Variants in TAF4B observed in about 807,000 individuals in gnomAD.
The protein encoded by TAF4B is transcription initiation factor TFIID subunit 4B.
A neutral mutation model predicts 86.4 loss-of-function variants in TAF4B; 38 were observed. The observed-to-expected ratio is 0.44, with a 90% CI of 0.34 to 0.58. The LOEUF is 0.58. Among genes scored for constraint, TAF4B ranks in the 20% least tolerant of loss-of-function variants. The pLI, the probability that TAF4B is intolerant of heterozygous loss-of-function variation, is 0.02. For missense variants in TAF4B, 988 were observed against 1,027.6 expected, an observed-to-expected ratio of 0.96 and a Z score of 0.53; for synonymous variants, 388 against 391.2, an observed-to-expected ratio of 0.99 and a Z score of 0.10.
chr18:26,310,185 A>C (rs2056839105), intron 9 of TAF4B, among the ~76,000 whole-genome samples: 1 of 152,106 alleles, frequency 6.6e-6, no homozygotes, highest in Non-Finnish European at 1.5e-5. Context: ...CAGTACTCTT[A>C]ATTTTTATAA....
At chr18:26,279,100 G>T (rs181513080) in intron 5 of TAF4B, among the ~76,000 whole-genome samples, 9 of 152,166 alleles carry the variant, frequency 5.9e-5, no homozygotes, top group African/African-American at 1.7e-4. Flanking sequence ...CTTCACTGAT[G>T]ATATGATTCT....
chr18:26,234,353 A>G (rs558233718), intron 1 of TAF4B, among the ~76,000 whole-genome samples: 1 of 152,214 alleles, frequency 6.6e-6, no homozygotes, highest in Non-Finnish European at 1.5e-5. Context: ...CAATAACTTC[A>G]TGATTTCCTT....
intron 9 of TAF4B, among the ~76,000 whole-genome samples, chr18:26,299,467 G>A (rs2056705095): frequency 6.6e-6 from 1 of 151,932 alleles, no homozygotes; most frequent in South Asian, 2.1e-4. Flanking sequence ...ATTCATGAGC[G>A]ATTTGGTCTA....
chr18:26,270,965 T>A (rs904836667), intron 3 of TAF4B, among the ~76,000 whole-genome samples: 10 of 152,360 alleles, frequency 6.6e-5, no homozygotes, highest in African/African-American at 2.4e-4. Flanking sequence ...TATTTTTGTG[T>A]GGACCATTTA....
chr18:26,227,339 C>A, intron 1 of TAF4B, 63 bp downstream of exon 1: 1 of 1,501,230 alleles, frequency 6.7e-7, no homozygotes, highest in Non-Finnish European at 9.1e-7. Flanking sequence ...GGAAAATTCG[C>A]AGCTCCAGAT....
At chr18:26,268,579 AT>A (rs2056272532) in intron 3 of TAF4B, among the ~76,000 whole-genome samples, 1 of 152,054 alleles carries the variant, frequency 6.6e-6, no homozygotes, top group Non-Finnish European at 1.5e-5. Context: ...TTGTCTATTT[AT>A]CATCACAATT....
chr18:26,243,884 G>T (rs2055881077), intron 1 of TAF4B, among the ~76,000 whole-genome samples: 1 of 152,222 alleles, frequency 6.6e-6, no homozygotes. Flanking sequence ...CACCAGTGGA[G>T]GCTGCAGTAC....
At chr18:26,295,668 G>A (rs1462121006) in intron 9 of TAF4B, among the ~76,000 whole-genome samples, 1 of 152,234 alleles carries the variant, frequency 6.6e-6, no homozygotes, top group Non-Finnish European at 1.5e-5. Flanking sequence ...CCTGTCCTAA[G>A]TTGTTGTATG....
intron 14 of TAF4B, among the ~76,000 whole-genome samples, chr18:26,374,840 A>G (rs531178388): frequency 6.6e-6 from 1 of 152,220 alleles, no homozygotes; most frequent in Non-Finnish European, 1.5e-5. Flanking sequence ...GGAATATTGA[A>G]GGAAAAGTAA....
chr18:26,275,184 C>T lies in TAF4B; in HGVS notation c.882+131C>T, dbSNP rs1005522764. The stretch of plus-strand genomic sequence containing the variant: ...TTTAATTTATGTTTTGAGACAGAGT[C>T]TCGCTCTGTTGCCCAAGCTGGAGTG... On this transcript the variant is annotated intron_variant, in intron 5 of 14. Transcript: ENST00000269142. The T allele has an allele frequency of 9.3e-6, 10 of 1,074,728 alleles. No homozygotes were observed. In the African/African-American group the frequency reaches 1.6e-4, roughly 18 times the overall value. 66.6% of individuals were successfully genotyped at this position (1,074,728 alleles called of 1,614,324 possible).
chr18:26,240,356 G>A (rs1293539567), intron 1 of TAF4B, among the ~76,000 whole-genome samples: 3 of 152,176 alleles, frequency 2.0e-5, no homozygotes, highest in African/African-American at 7.2e-5. Flanking sequence ...ATTGTGAATG[G>A]GAGTTCCCTC....
intron 6 of TAF4B, among the ~76,000 whole-genome samples, chr18:26,284,257 G>C (rs998023234): frequency 6.6e-6 from 1 of 152,180 alleles, no homozygotes; most frequent in Non-Finnish European, 1.5e-5. Flanking sequence ...AAGAGTTAGT[G>C]CTATACTCTG....
At chr18:26,240,726 A>G (rs557750219) in intron 1 of TAF4B, among the ~76,000 whole-genome samples, 21 of 152,310 alleles carry the variant, frequency 1.4e-4, no homozygotes, top group African/African-American at 4.8e-4. Context: ...TGAGTTTGTC[A>G]TAAATAGCTC....
At chr18:26,307,731 AT>A (rs1203533249) in intron 9 of TAF4B, among the ~76,000 whole-genome samples, 1 of 152,094 alleles carries the variant, frequency 6.6e-6, no homozygotes, top group Admixed American at 6.6e-5. Context: ...TTTAATGTCC[AT>A]TTTTTCCATA....
chr18:26,274,074 G>T (rs1415297662), intron 3 of TAF4B, among the ~76,000 whole-genome samples: 2 of 152,134 alleles, frequency 1.3e-5, no homozygotes, highest in African/African-American at 4.8e-5. Flanking sequence ...TGTAGGTGAT[G>T]CTAGCTAGAG....
intron 3 of TAF4B, 107 bp downstream of exon 3, chr18:26,267,730 G>C (rs538398585): frequency 1.1e-5 from 8 of 744,840 alleles, no homozygotes; most frequent in Admixed American, 8.8e-5. Context: ...ATTGAAGATA[G>C]CAATTCAGTA....
At chr18:26,369,318 C>G (rs1255233417) in intron 14 of TAF4B, among the ~76,000 whole-genome samples, 2 of 152,032 alleles carry the variant, frequency 1.3e-5, no homozygotes, top group Admixed American at 6.6e-5. Flanking sequence ...AAATGAAATA[C>G]CCCTTTGGAA....
intron 14 of TAF4B, among the ~76,000 whole-genome samples, chr18:26,371,725 G>C (rs750409109): frequency 1.2e-4 from 19 of 152,236 alleles, no homozygotes; most frequent in Non-Finnish European, 2.2e-4. Context: ...GAACAGATGG[G>C]TGACTTTGAT....
chr18:26,275,787 A>AGGT (rs1256771152), intron 5 of TAF4B, among the ~76,000 whole-genome samples: 1 of 152,064 alleles, frequency 6.6e-6, no homozygotes, highest in Non-Finnish European at 1.5e-5. Flanking sequence ...AGGCCGAGGC[A>AGGT]GGTGGATCAC....
Sources: gnomAD v4.1 joint callset for allele counts (sites outside exome capture counted in the v4.1 genomes callset) on GRCh38, gnomAD v4.1.1 for gene constraint, MANE v1.5 for transcripts, NCBI Gene and HGNC (gene_info 2026-07-23, HGNC 2026-07-21) for gene names.